Variants in MRPL42 observed in about 807,000 individuals in gnomAD.
MRPL42 encodes mitochondrial ribosomal protein L42.
Under a neutral mutation model 17.9 loss-of-function variants are expected in MRPL42, and 17 were observed. The ratio of observed to expected loss-of-function variants is 0.95; its 90% CI spans 0.65 to 1.42. The LOEUF (loss-of-function observed/expected upper bound fraction) is 1.42, where lower values mean the gene tolerates loss of function less well. MRPL42 is among the 40% of genes most tolerant of loss of function. The probability of loss-of-function intolerance (pLI) is 0.00; values close to 1 mark genes in which losing one functional copy is unlikely to be tolerated. For missense variants in MRPL42, 177 were observed against 175.2 expected (o/e 1.01, Z -0.06); for synonymous variants, 59 against 54.4 (o/e 1.08, Z -0.37).
chr12:93,498,014 C>T (rs1210384848), intron 5 of MRPL42, among the ~76,000 whole-genome samples: 14 of 77,390 alleles, frequency 1.8e-4, no homozygotes, highest in African/African-American at 7.2e-4. Context: ...TTTATACTTG[C>T]TGTTTGTCTG....
At position 93,476,997 on chromosome 12, in the gene MRPL42, T is replaced by G; in HGVS notation, c.114T>G (p.Pro38=). Residue 38 remains proline (P), a synonymous_variant, in exon 3 of 6, where the codon CCT becomes CCG. Coordinates refer to ENST00000549982, the MANE Select transcript of MRPL42 (RefSeq NM_014050.4). ...TTTGTCATAAATCTACGTATTCTCC[T>G]CTACCAGATGACTATAATTGGTATG... ...YCVCHKSTYS[P]LPDDYNCNVE... The G allele has an allele frequency of 6.2e-7, 1 of 1,604,958 alleles. No individual in the cohort carries two copies. The highest frequency in any genetic ancestry group is 8.5e-7 in the Non-Finnish European group (1 of 1,173,678).
rs757511034 is a variant in MRPL42 at position 93,511,067 on chromosome 12, A to G, written c.*9846A>G. 6 of 152,216 alleles carry G rather than the reference A, an allele frequency of 3.9e-5. No individual in the cohort carries two copies. Among genetic ancestry groups the G allele is most frequent in the Non-Finnish European group, 8.8e-5 (6 of 68,032 alleles). 9.4% of individuals were successfully genotyped at this position (152,216 alleles called of 1,614,324 possible). A position where few individuals can be genotyped will look rare whatever the true frequency, so the allele number is the denominator to read the frequency against. The stretch of plus-strand genomic sequence containing the variant: ...ATTAGTAAACCTAATGGTGACAATA[A>G]AAGCGATTCTGAATAAATGAAAACC... On this transcript the variant is annotated 3_prime_UTR_variant, in exon 6 of 6. Transcript: ENST00000549982.
At chr12:93,468,882 T>A (rs1357240990) in intron 1 of MRPL42, among the ~76,000 whole-genome samples, 1 of 152,176 alleles carries the variant, frequency 6.6e-6, no homozygotes, top group African/African-American at 2.4e-5. Context: ...TGTGTACCAT[T>A]TGTGAGTGAC....
chr12:93,471,046 G>T (rs1360685736), intron 2 of MRPL42, among the ~76,000 whole-genome samples: 1 of 152,208 alleles, frequency 6.6e-6, no homozygotes, highest in African/African-American at 2.4e-5. Flanking sequence ...GCTATTTGAA[G>T]AATGGAGTAT....
At chr12:93,469,164 C>CACTGATTTTTCTTT in intron 1 of MRPL42, 28 bp from the exon 2 acceptor site, 1 of 668,650 alleles carries the variant, frequency 1.5e-6, no homozygotes, top group East Asian at 2.8e-5. Context: ...CCATAGGTAG[C>CACTGATTTTTCTTT]ACTGATTTTT....
intron 2 of MRPL42, among the ~76,000 whole-genome samples, chr12:93,474,980 C>G (rs2121176020): frequency 6.6e-6 from 1 of 152,194 alleles, no homozygotes; most frequent in Middle Eastern, 3.4e-3. Flanking sequence ...GTAATCTCAG[C>G]TACTCGAGGG....
chr12:93,487,086 C>T (rs1389414006), intron 4 of MRPL42, among the ~76,000 whole-genome samples: 1 of 152,170 alleles, frequency 6.6e-6, no homozygotes, highest in East Asian at 1.9e-4. Context: ...ACTTCAGCCT[C>T]TTGAGTAGCT....
chr12:93,477,011 A>G lies in MRPL42; in HGVS notation c.128A>G (p.Tyr43Cys), dbSNP rs1253665802. ...ACGTATTCTCCTCTACCAGATGACT[A>G]TAATTGGTATGTATTAAAATTCAAT... is the stretch of plus-strand genomic sequence containing the variant. ...KSTYSPLPDD[Y>C]NCNVELALTS... The change falls in exon 3 of 6, where the codon TAT becomes TGT. Residue 43 changes from tyrosine to cysteine, a missense_variant. Coordinates refer to ENST00000549982, the MANE Select transcript of MRPL42 (RefSeq NM_014050.4). The G allele has an allele frequency of 1.9e-6, 3 of 1,580,216 alleles. No homozygotes were observed. Among genetic ancestry groups the G allele is most frequent in the South Asian group, 1.1e-5 (1 of 89,090 alleles).
At chr12:93,494,930 C>CTG (rs551935270) in intron 5 of MRPL42, among the ~76,000 whole-genome samples, 2,625 of 85,788 alleles carry the variant, frequency 0.031, 30 homozygotes, top group Non-Finnish European at 0.053. Flanking sequence ...CCATCAGGAA[C>CTG]TCTAGAGATA....
intron 5 of MRPL42, chr12:93,488,029 G>A (rs1183144626): frequency 3.7e-6 from 1 of 270,406 alleles, no homozygotes; most frequent in Non-Finnish European, 6.8e-6. Flanking sequence ...GGAGTGCAGT[G>A]GCGAGATCTC....
chr12:93,497,662 C>G (rs1342698384), intron 5 of MRPL42, among the ~76,000 whole-genome samples: 1 of 150,954 alleles, frequency 6.6e-6, no homozygotes, highest in Non-Finnish European at 1.5e-5. Context: ...CCTTTAAGAA[C>G]AGAAACAAGA....
At chr12:93,476,219 C>T (rs1205089879) in intron 2 of MRPL42, among the ~76,000 whole-genome samples, 2 of 152,098 alleles carry the variant, frequency 1.3e-5, no homozygotes, top group Admixed American at 6.6e-5. Flanking sequence ...GACAGAGTTT[C>T]GCTCTTGCAC....
chr12:93,489,524 CTTATT>C (rs143074665), intron 5 of MRPL42, among the ~76,000 whole-genome samples: 3 of 151,010 alleles, frequency 2.0e-5, no homozygotes, highest in African/African-American at 7.3e-5. Context: ...ATTTTTCCTT[CTTATT>C]TTATTTTATT....
intron 4 of MRPL42, among the ~76,000 whole-genome samples, chr12:93,485,007 T>TATATATACATATATATATATACACAC: frequency 2.1e-5 from 1 of 47,766 alleles, no homozygotes; most frequent in Admixed American, 2.4e-4. Context: ...TATATATATA[T>TATATATACATATATATATATACACAC]ATATATATAT....
At chr12:93,476,932 T>A in intron 2 of MRPL42, 22 bp from the exon 3 acceptor site, 5 of 1,590,262 alleles carry the variant, frequency 3.1e-6, no homozygotes, top group Non-Finnish European at 4.3e-6. Flanking sequence ...CAAATCTGTT[T>A]TACTGTTTGG....
At chr12:93,500,135 T>A (rs1007141133) in intron 5 of MRPL42, among the ~76,000 whole-genome samples, 2 of 152,216 alleles carry the variant, frequency 1.3e-5, no homozygotes, top group African/African-American at 4.8e-5. Flanking sequence ...TCTCTATATC[T>A]ATACATAAGT....
intron 3 of MRPL42, among the ~76,000 whole-genome samples, chr12:93,477,658 G>A (rs1040123924): frequency 1.3e-5 from 2 of 152,090 alleles, no homozygotes; most frequent in Non-Finnish European, 2.9e-5. Context: ...GAGCAGTGGT[G>A]TGATCTTGGC....
At chr12:93,470,523 A>G (rs1879860106) in intron 2 of MRPL42, 24 of 1,294,800 alleles carry the variant, frequency 1.9e-5, no homozygotes, top group Non-Finnish European at 2.2e-5. Context: ...ACGTGGATGT[A>G]TTACATATAC....
At chr12:93,469,662 G>C (rs1375017218) in intron 2 of MRPL42, among the ~76,000 whole-genome samples, 1 of 151,992 alleles carries the variant, frequency 6.6e-6, no homozygotes, top group Non-Finnish European at 1.5e-5. Flanking sequence ...GGAGGGGAAT[G>C]GATAAATTAT....
Sources: allele counts gnomAD v4.1 joint callset (sites outside exome capture counted in the v4.1 genomes callset), GRCh38; gene constraint gnomAD v4.1.1; transcripts MANE v1.5; gene names NCBI Gene and HGNC (gene_info 2026-07-23, HGNC 2026-07-21).